ERC2: variants seen among roughly 807,000 people sequenced by gnomAD.
The protein encoded by ERC2 is ELKS/RAB6-interacting/CAST family member 2.
Under a neutral mutation model 114.8 loss-of-function variants are expected in ERC2, and 42 were observed. That is an observed-to-expected ratio of 0.37 (90% CI 0.29 to 0.47). ERC2 has a LOEUF of 0.47. ERC2 is among the 20% of genes least tolerant of loss of function. The pLI, the probability that ERC2 is intolerant of heterozygous loss-of-function variation, is 0.99. For missense variants in ERC2, 939 were observed against 1,150.7 expected, an observed-to-expected ratio of 0.82 and a Z score of 2.66; for synonymous variants, 454 against 425.5, an observed-to-expected ratio of 1.07 and a Z score of -0.82.
At chr3:56,218,058 C>T (rs543869656) in intron 3 of ERC2, among the ~76,000 whole-genome samples, 2 of 152,320 alleles carry the variant, frequency 1.3e-5, no homozygotes, top group Non-Finnish European at 2.9e-5. Flanking sequence ...CTAGGCAATA[C>T]CATTCAGGAC....
At chr3:56,236,539 G>A (rs140315446) in intron 3 of ERC2, among the ~76,000 whole-genome samples, 23 of 152,290 alleles carry the variant, frequency 1.5e-4, no homozygotes, top group African/African-American at 4.6e-4. Flanking sequence ...TCGAGAACTT[G>A]TATCTTCACA....
intron 10 of ERC2, among the ~76,000 whole-genome samples, chr3:55,995,329 C>A (rs955545073): frequency 6.6e-6 from 1 of 150,894 alleles, no homozygotes; most frequent in Non-Finnish European, 1.5e-5. Context: ...GATACTCCAT[C>A]TCAATCAATC....
At chr3:55,780,069 T>A (rs538219337) in intron 14 of ERC2, among the ~76,000 whole-genome samples, 15 of 152,136 alleles carry the variant, frequency 9.9e-5, no homozygotes, top group Non-Finnish European at 1.5e-4. Context: ...CTCATCTGAA[T>A]AACAAACAAA....
chr3:56,452,085 A>T (rs1420485807), intron 1 of ERC2, among the ~76,000 whole-genome samples: 2 of 152,228 alleles, frequency 1.3e-5, no homozygotes, highest in Non-Finnish European at 2.9e-5. Flanking sequence ...ATGAGAATTT[A>T]AGGCTTGTTT....
At chr3:56,383,092 A>C (rs1477551253) in intron 2 of ERC2, among the ~76,000 whole-genome samples, 2 of 152,018 alleles carry the variant, frequency 1.3e-5, no homozygotes, top group African/African-American at 2.4e-5. Flanking sequence ...ATACTGCCAT[A>C]ATCTGACCAC....
chr3:56,300,182 G>A (rs553971524), intron 2 of ERC2, among the ~76,000 whole-genome samples: 154 of 151,332 alleles, frequency 1.0e-3, no homozygotes, highest in African/African-American at 3.6e-3. Flanking sequence ...AAGAAAAGCA[G>A]GAAAGAAGAA....
intron 2 of ERC2, among the ~76,000 whole-genome samples, chr3:56,382,993 G>C: frequency 6.6e-6 from 1 of 151,990 alleles, no homozygotes; most frequent in East Asian, 1.9e-4. Context: ...CAGTTGCCCA[G>C]GCCCCACACC....
At chr3:56,149,984 G>A (rs185970850) in intron 4 of ERC2, among the ~76,000 whole-genome samples, 4 of 152,114 alleles carry the variant, frequency 2.6e-5, no homozygotes, top group East Asian at 3.9e-4. Context: ...AAAAAATGAC[G>A]AAAAATTTTT....
At chr3:56,330,197 C>T (rs2057545913) in intron 2 of ERC2, among the ~76,000 whole-genome samples, 1 of 152,002 alleles carries the variant, frequency 6.6e-6, no homozygotes, top group Non-Finnish European at 1.5e-5. Context: ...CCACAGCTGG[C>T]TAATTTTTGA....
chr3:56,273,575 T>A (rs2053802177), intron 3 of ERC2, among the ~76,000 whole-genome samples: 1 of 151,430 alleles, frequency 6.6e-6, no homozygotes, highest in Non-Finnish European at 1.5e-5. Flanking sequence ...GGATTCTTTT[T>A]TTCACATTCA....
At chr3:56,094,502 G>A (rs577930486) in intron 6 of ERC2, among the ~76,000 whole-genome samples, 2 of 152,306 alleles carry the variant, frequency 1.3e-5, no homozygotes, top group East Asian at 3.9e-4. Context: ...AGGACCTGGG[G>A]ATGGGACCTT....
At chr3:56,179,726 C>T (rs901968754) in intron 3 of ERC2, among the ~76,000 whole-genome samples, 8 of 151,812 alleles carry the variant, frequency 5.3e-5, no homozygotes, top group African/African-American at 1.9e-4. Flanking sequence ...ACCACCAAGA[C>T]AGGGAAGATT....
chr3:56,231,723 C>A (rs910282685), intron 3 of ERC2, among the ~76,000 whole-genome samples: 9 of 152,180 alleles, frequency 5.9e-5, no homozygotes, highest in African/African-American at 2.2e-4. Context: ...GCCTGAATTT[C>A]AGCAGCTAAG....
chr3:56,381,170 T>TTAAAGAAAAAAA (rs2059735778), intron 2 of ERC2, among the ~76,000 whole-genome samples: 1 of 152,178 alleles, frequency 6.6e-6, no homozygotes, highest in African/African-American at 2.4e-5. Flanking sequence ...AGTCTACTTT[T>TTAAAGAAAAAAA]TAAAGAAAAA....
chr3:56,409,667 A>T (rs1231376795), intron 2 of ERC2, among the ~76,000 whole-genome samples: 1 of 152,180 alleles, frequency 6.6e-6, no homozygotes, highest in Non-Finnish European at 1.5e-5. Flanking sequence ...AATCATAGCT[A>T]GGATATTTTA....
At chr3:55,620,690 G>A (rs986485070) in intron 17 of ERC2, among the ~76,000 whole-genome samples, 11 of 152,080 alleles carry the variant, frequency 7.2e-5, no homozygotes, top group African/African-American at 2.7e-4. Flanking sequence ...GGCTTTTACC[G>A]ACTCTGAAAC....
chr3:56,251,562 G>A (rs1317570532), intron 3 of ERC2, among the ~76,000 whole-genome samples: 1 of 152,184 alleles, frequency 6.6e-6, no homozygotes, highest in African/African-American at 2.4e-5. Context: ...AAATGAGGTG[G>A]CTGTAATGTT....
At chr3:56,350,079 C>G (rs1266640004) in intron 2 of ERC2, among the ~76,000 whole-genome samples, 1 of 152,088 alleles carries the variant, frequency 6.6e-6, no homozygotes, top group Non-Finnish European at 1.5e-5. Flanking sequence ...AATGTCTAGC[C>G]CAGAACAACG....
chr3:56,003,422 A>ACTTTTGATGATACATGAAGTG (rs1270832849), intron 10 of ERC2, among the ~76,000 whole-genome samples: 1 of 152,148 alleles, frequency 6.6e-6, no homozygotes, highest in African/African-American at 2.4e-5. Flanking sequence ...AAAGCTGTCC[A>ACTTTTGATGATACATGAAGTG]CTTTTGATGA....
Sources: gnomAD v4.1 joint callset for allele counts (sites outside exome capture counted in the v4.1 genomes callset) on GRCh38, gnomAD v4.1.1 for gene constraint, MANE v1.5 for transcripts, NCBI Gene and HGNC (gene_info 2026-07-23, HGNC 2026-07-21) for gene names.